GNA12: variants seen among roughly 807,000 people sequenced by gnomAD.
The protein encoded by GNA12 is guanine nucleotide-binding protein subunit alpha-12.
A neutral mutation model predicts 26.0 loss-of-function variants in GNA12; 9 were observed. That is an observed-to-expected ratio of 0.35 (90% CI 0.21 to 0.60). GNA12 has a LOEUF of 0.60. GNA12 is among the 20% of genes least tolerant of loss of function. The probability of loss-of-function intolerance (pLI) is 0.78; values close to 1 mark genes in which losing one functional copy is unlikely to be tolerated. For synonymous variants in GNA12, 264 were observed against 219.6 expected (o/e 1.20, Z -1.79); for missense variants, 405 against 525.8 (o/e 0.77, Z 2.25).
intron 1 of GNA12, among the ~76,000 whole-genome samples, chr7:2,805,901 T>C (rs575880882): frequency 2.0e-5 from 3 of 152,268 alleles, no homozygotes; most frequent in African/African-American, 7.2e-5. Context: ...CACCGAGCAG[T>C]GGACGTGCGG....
At chr7:2,762,659 A>G in intron 2 of GNA12, 1 of 1,599,372 alleles carries the variant, frequency 6.3e-7, no homozygotes, top group Non-Finnish European at 8.5e-7. Flanking sequence ...CAGGACGATG[A>G]GAGGATAAAT....
chr7:2,789,702 G>A (rs935751950), intron 2 of GNA12, among the ~76,000 whole-genome samples: 3 of 152,196 alleles, frequency 2.0e-5, no homozygotes, highest in Non-Finnish European at 2.9e-5. Flanking sequence ...GGGATCCAGA[G>A]TTCATCCATG....
intron 2 of GNA12, among the ~76,000 whole-genome samples, chr7:2,790,752 A>G (rs1399042164): frequency 1.3e-5 from 2 of 152,240 alleles, no homozygotes; most frequent in Non-Finnish European, 2.9e-5. Flanking sequence ...GAGGATTGCT[A>G]GAGCCCAGGA....
chr7:2,750,992 A>C (rs1056440500), intron 2 of GNA12, among the ~76,000 whole-genome samples: 1 of 152,218 alleles, frequency 6.6e-6, no homozygotes, highest in African/African-American at 2.4e-5. Context: ...CACAATGTAC[A>C]TCAGAAAGTA....
intron 1 of GNA12, among the ~76,000 whole-genome samples, chr7:2,796,076 G>A (rs950527644): frequency 6.6e-6 from 1 of 151,900 alleles, no homozygotes; most frequent in Non-Finnish European, 1.5e-5. Context: ...ATGTTGTCCA[G>A]CCTGGTCTCG....
intron 1 of GNA12, among the ~76,000 whole-genome samples, chr7:2,825,845 G>A (rs914237859): frequency 6.6e-6 from 1 of 151,830 alleles, no homozygotes; most frequent in African/African-American, 2.4e-5. Flanking sequence ...TCATTCCAGC[G>A]TTCATCCCAG....
intron 1 of GNA12, among the ~76,000 whole-genome samples, chr7:2,815,479 G>A (rs752185284): frequency 2.0e-5 from 3 of 152,112 alleles, no homozygotes; most frequent in South Asian, 2.1e-4. Context: ...CTATATTGGC[G>A]GCCCAGGCTC....
chr7:2,843,809 C>T, intron 1 of GNA12, 44 bp downstream of exon 1: 3 of 1,213,066 alleles, frequency 2.5e-6, no homozygotes, highest in Non-Finnish European at 3.3e-6. Flanking sequence ...GGTTAGCGCC[C>T]CGGCCCACCT....
At position 2,829,249 on chromosome 7, in the gene GNA12, G is replaced by A. The variant is rs926377063; in HGVS notation, c.309+14604C>T. Among the ~76,000 whole-genome samples, 21 of 152,154 alleles carry A rather than the reference G, an allele frequency of 1.4e-4. 1 individual carries two copies. Among genetic ancestry groups the A allele is most frequent in the African/African-American group, 4.6e-4 (19 of 41,408 alleles). On this transcript the variant is annotated intron_variant, in intron 1 of 3. Coordinates refer to ENST00000275364, the MANE Select transcript of GNA12 (RefSeq NM_007353.3). ...GTTTAAAATCAGGCACACAGGAGGA[G>A]AAAGCCTAGAATTGGGAAATCCTCC... is the stretch of plus-strand genomic sequence containing the variant.
At chr7:2,781,653 C>T (rs538568035) in intron 2 of GNA12, among the ~76,000 whole-genome samples, 1 of 152,160 alleles carries the variant, frequency 6.6e-6, no homozygotes, top group South Asian at 2.1e-4. Flanking sequence ...GCTGTCTTTA[C>T]TGTATATTCT....
In GNA12 at chr7:2,800,377, TTGTGG is replaced by T. The variant is rs1222899124; in HGVS notation, c.310-5239_310-5235del. Among the ~76,000 whole-genome samples, 19 of 152,280 alleles carry T rather than the reference TTGTGG, an allele frequency of 1.2e-4. No individual in the cohort carries two copies. In the East Asian group the frequency reaches 3.7e-3, roughly 29 times the overall value. ...AGAAAGGGGCAACACGAGGAGATCT[TTGTGG>T]TCTGGACTGTGGTGGTGGTTACAGA... On this transcript the variant is annotated intron_variant, in intron 1 of 3. Transcript: ENST00000275364.
chr7:2,733,110 G>C (rs571159722), intron 3 of GNA12, among the ~76,000 whole-genome samples: 1 of 152,280 alleles, frequency 6.6e-6, no homozygotes, highest in African/African-American at 2.4e-5. Context: ...AACAAGACTG[G>C]TAATCAGTGA....
chr7:2,814,016 C>G (rs577521637), intron 1 of GNA12, among the ~76,000 whole-genome samples: 1 of 152,122 alleles, frequency 6.6e-6, no homozygotes, highest in Non-Finnish European at 1.5e-5. Flanking sequence ...GCCTCGCCGC[C>G]GGAGCTTGGA....
At chr7:2,797,910 G>C (rs1035929711) in intron 1 of GNA12, among the ~76,000 whole-genome samples, 3 of 152,086 alleles carry the variant, frequency 2.0e-5, no homozygotes, top group African/African-American at 7.2e-5. Context: ...TGGCTAGAAA[G>C]ACAAATGTAT....
chr7:2,780,049 T>TAC lies in GNA12; in HGVS notation c.525+14877_525+14878dup, dbSNP rs1276058323. Among the ~76,000 whole-genome samples the TAC allele has an allele frequency of 2.0e-3, 76 of 38,006 alleles. 3 individuals are homozygous for TAC. The highest frequency in any genetic ancestry group is 0.016 in the Middle Eastern group (1 of 64). The allele number at this position is 38,006 out of a possible 152,430, so 24.9% of individuals were successfully genotyped here. On this transcript the variant is annotated intron_variant, in intron 2 of 3. Transcript: ENST00000275364. ...TACTAGTTTTTTACACATTTCTGTGTACATATATATATATATATATATATA... is the reference window on the plus strand; with the variant it reads ...TACTAGTTTTTTACACATTTCTGTGTACACATATATATATATATATATATATA...
chr7:2,802,645 T>C (rs1792839716), intron 1 of GNA12, among the ~76,000 whole-genome samples: 1 of 152,184 alleles, frequency 6.6e-6, no homozygotes, highest in South Asian at 2.1e-4. Flanking sequence ...AGATTCTGGA[T>C]GTTCACTCGG....
chr7:2,761,108 C>T (rs1791533170), intron 2 of GNA12, among the ~76,000 whole-genome samples: 1 of 152,228 alleles, frequency 6.6e-6, no homozygotes, highest in Admixed American at 6.5e-5. Context: ...ACACGTCTGG[C>T]TCTCGGCTGT....
At chr7:2,765,547 A>C (rs1791768153) in intron 2 of GNA12, among the ~76,000 whole-genome samples, 1 of 151,662 alleles carries the variant, frequency 6.6e-6, no homozygotes, top group Non-Finnish European at 1.5e-5. Flanking sequence ...TAATCCTGTG[A>C]CTCCAACATT....
intron 1 of GNA12, among the ~76,000 whole-genome samples, chr7:2,835,411 G>A (rs1226073492): frequency 6.6e-6 from 1 of 152,198 alleles, no homozygotes; most frequent in African/African-American, 2.4e-5. Context: ...GGCCCACGGG[G>A]GTTGCCGGTC....
Sources: gnomAD v4.1 joint callset for allele counts (sites outside exome capture counted in the v4.1 genomes callset) on GRCh38, gnomAD v4.1.1 for gene constraint, MANE v1.5 for transcripts, NCBI Gene and HGNC (gene_info 2026-07-23, HGNC 2026-07-21) for gene names.